The following CSMD1 variants were observed in gnomAD, a reference collection of about 807,000 sequenced individuals.
CSMD1 encodes CUB and sushi domain-containing protein 1.
CSMD1 carries 213 observed loss-of-function variants against 417.5 expected under a neutral mutation model. The ratio of observed to expected loss-of-function variants is 0.51; its 90% CI spans 0.46 to 0.57. CSMD1 has a LOEUF of 0.57. Ranked by LOEUF, CSMD1 falls within the 20% of genes least tolerant of loss-of-function variation. The pLI is 0.00. For synonymous variants in CSMD1, 2,862 were observed against 1,736.8 expected (o/e 1.65, Z -16.11); for missense variants, 6,923 against 4,529.7 (o/e 1.53, Z -15.17).
chr8:3,347,293 A>T (rs1017558416), intron 22 of CSMD1, among the ~76,000 whole-genome samples: 1 of 152,188 alleles, frequency 6.6e-6, no homozygotes, highest in South Asian at 2.1e-4. Context: ...GAAGGTTCCC[A>T]ATTTATTGAA....
Position 4,369,454 on chromosome 8 carries a change from C to T in CSMD1, c.415+50499G>A, listed in dbSNP as rs1594352. On this transcript the variant is annotated intron_variant, in intron 3 of 69. Coordinates refer to ENST00000635120, the MANE Select transcript of CSMD1 (RefSeq NM_033225.6). ...TGGAGTGTTTTATAGATGTCTCTGA[C>T]GTATAATTAGTCAAGTGTCAAGGTT... Among the ~76,000 whole-genome samples, 8 of 151,968 alleles carry T rather than the reference C, an allele frequency of 5.3e-5. No homozygotes were observed. In the South Asian group the frequency reaches 1.2e-3, roughly 24 times the overall value.
intron 3 of CSMD1, among the ~76,000 whole-genome samples, chr8:4,298,420 T>C (rs117747639): frequency 0.067 from 10,258 of 152,174 alleles, 408 homozygotes; most frequent in South Asian, 0.12. Context: ...GACACTAGAC[T>C]GTTATACAAA....
intron 3 of CSMD1, among the ~76,000 whole-genome samples, chr8:4,051,417 C>G (rs1205468429): frequency 1.3e-5 from 2 of 152,024 alleles, no homozygotes; most frequent in Non-Finnish European, 2.9e-5. Context: ...GTAGTTAAAT[C>G]AGACCGCAAG....
At chr8:3,989,576 G>A (rs923149594) in intron 5 of CSMD1, among the ~76,000 whole-genome samples, 25 of 152,130 alleles carry the variant, frequency 1.6e-4, no homozygotes, top group African/African-American at 5.3e-4. Flanking sequence ...AAACAAGAAA[G>A]GGATTGCATT....
Position 3,308,397 on chromosome 8 carries a change from C to A in CSMD1, c.3738G>T (p.Pro1246=). The change falls in exon 24 of 70, where the codon CCG becomes CCT. Residue 1246 remains proline, a synonymous_variant. Transcript: ENST00000635120. ...TGTTGCTGCCATGCATGGCGTACCC[C>A]GGGTTGCAACTGTACAGAACTACAG... ...TDTVVLYSCN[P]GYAMHGSNTL... is the part of the protein sequence containing the mutation. The A allele has an allele frequency of 6.2e-7, 1 of 1,613,764 alleles. No individual in the cohort carries two copies. The highest frequency in any genetic ancestry group is 2.2e-5 in the East Asian group (1 of 44,814).
intron 1 of CSMD1, among the ~76,000 whole-genome samples, chr8:4,895,166 T>C (rs900718879): frequency 2.6e-5 from 4 of 152,186 alleles, no homozygotes; most frequent in Non-Finnish European, 4.4e-5. Flanking sequence ...CAAAAAATAA[T>C]AACTATTTGT....
intron 5 of CSMD1, among the ~76,000 whole-genome samples, chr8:3,838,664 ATAAAT>A (rs1334296484): frequency 8.7e-6 from 1 of 114,692 alleles, no homozygotes; most frequent in Admixed American, 1.1e-4. Flanking sequence ...ATAATATATA[ATAAAT>A]TAATATTATA....
intron 1 of CSMD1, among the ~76,000 whole-genome samples, chr8:4,915,713 C>T (rs1202608346): frequency 1.3e-5 from 2 of 152,208 alleles, no homozygotes; most frequent in African/African-American, 4.8e-5. Flanking sequence ...ACGCCCTAAA[C>T]ATTATGTCCG....
intron 36 of CSMD1, 138 bp from the exon 37 acceptor site, chr8:3,181,352 G>A (rs1271117141): frequency 1.6e-6 from 1 of 643,828 alleles, no homozygotes; most frequent in Non-Finnish European, 2.7e-6. Flanking sequence ...CTGAGTGTTG[G>A]TTTTATTATG....
intron 26 of CSMD1, among the ~76,000 whole-genome samples, chr8:3,267,957 G>A (rs1049962177): frequency 1.3e-5 from 2 of 152,074 alleles, no homozygotes; most frequent in Admixed American, 1.3e-4. Flanking sequence ...TATGCCAGAG[G>A]GGAACAGGAT....
At chr8:4,976,385 C>A (rs1397327439) in intron 1 of CSMD1, among the ~76,000 whole-genome samples, 2 of 152,188 alleles carry the variant, frequency 1.3e-5, no homozygotes, top group Admixed American at 6.5e-5. Flanking sequence ...TTACATACTA[C>A]ATTAAATTAA....
intron 5 of CSMD1, among the ~76,000 whole-genome samples, chr8:3,893,242 T>C (rs1807105868): frequency 6.7e-6 from 1 of 150,042 alleles, no homozygotes; most frequent in African/African-American, 2.4e-5. Flanking sequence ...TTTTTCTTCT[T>C]CTTATATTTG....
At chr8:3,307,934 G>A in intron 24 of CSMD1, 113 bp from the exon 25 acceptor site, 1 of 1,164,674 alleles carries the variant, frequency 8.6e-7, no homozygotes, top group Non-Finnish European at 1.2e-6. Flanking sequence ...TAGAGAAAAA[G>A]AATCACCATC....
intron 49 of CSMD1, among the ~76,000 whole-genome samples, chr8:3,074,956 G>C (rs959634132): frequency 1.5e-4 from 23 of 152,140 alleles, no homozygotes; most frequent in Admixed American, 5.9e-4. Context: ...GAGGTGATTG[G>C]ATGATGGGGC....
chr8:3,406,133 A>G lies in CSMD1; in HGVS notation c.2160T>C (p.Ser720=). The G allele has an allele frequency of 6.2e-7, 1 of 1,613,930 alleles. No individual in the cohort carries two copies. Among genetic ancestry groups the G allele is most frequent in the Non-Finnish European group, 8.5e-7 (1 of 1,179,870 alleles). The change falls in exon 15 of 70, where the codon TCT becomes TCC. Residue 720 remains serine (S), a synonymous_variant. Coordinates refer to ENST00000635120, the MANE Select transcript of CSMD1 (RefSeq NM_033225.6). ...GDRFLLGSSV[S]FHCDDGFVKT... ...TGACAAAGCCATCATCACAGTGGAAAGAAACCGAGCTCCCGAGTAGAAACC... is the reference window on the plus strand; with the variant it reads ...TGACAAAGCCATCATCACAGTGGAAGGAAACCGAGCTCCCGAGTAGAAACC...
chr8:4,695,953 G>A (rs189492795), intron 1 of CSMD1, among the ~76,000 whole-genome samples: 15 of 152,278 alleles, frequency 9.9e-5, no homozygotes, highest in Admixed American at 6.5e-4. Flanking sequence ...AGCCGGCTGT[G>A]GTTAGAGACT....
At chr8:3,673,038 G>C (rs549807867) in intron 7 of CSMD1, among the ~76,000 whole-genome samples, 5 of 152,250 alleles carry the variant, frequency 3.3e-5, no homozygotes, top group East Asian at 3.9e-4. Flanking sequence ...TTCATCTCTA[G>C]AAAGTGAGCA....
intron 3 of CSMD1, among the ~76,000 whole-genome samples, chr8:4,098,820 T>A (rs1173063634): frequency 2.6e-5 from 4 of 152,170 alleles, no homozygotes; most frequent in Non-Finnish European, 4.4e-5. Context: ...AGTTGTCTCT[T>A]CTCATCACTA....
At chr8:4,360,481 A>G (rs573558468) in intron 3 of CSMD1, among the ~76,000 whole-genome samples, 3 of 152,050 alleles carry the variant, frequency 2.0e-5, no homozygotes, top group Non-Finnish European at 2.9e-5. Context: ...TTTCTTGCAC[A>G]TACTTCCTGT....
Sources: allele counts gnomAD v4.1 joint callset (sites outside exome capture counted in the v4.1 genomes callset), GRCh38; gene constraint gnomAD v4.1.1; transcripts MANE v1.5; gene names NCBI Gene and HGNC (gene_info 2026-07-23, HGNC 2026-07-21).